The following EDARADD variants were observed in gnomAD, a reference collection of about 807,000 sequenced individuals.
EDARADD encodes the protein EDAR associated via death domain.
A neutral mutation model predicts 25.6 loss-of-function variants in EDARADD; 20 were observed. The ratio of observed to expected loss-of-function variants is 0.78; its 90% CI spans 0.55 to 1.14. The LOEUF (loss-of-function observed/expected upper bound fraction) is 1.14. EDARADD is among the 50% of genes most tolerant of loss of function. EDARADD has a pLI of 0.00. For synonymous variants in EDARADD, 86 were observed against 94.4 expected, an observed-to-expected ratio of 0.91 and a Z score of 0.52; for missense variants, 225 against 270.1, an observed-to-expected ratio of 0.83 and a Z score of 1.17.
intron 3 of EDARADD, among the ~76,000 whole-genome samples, chr1:236,389,236 G>C (rs1667392947): frequency 6.6e-6 from 1 of 152,116 alleles, no homozygotes; most frequent in Non-Finnish European, 1.5e-5. Context: ...GGCTACAGGA[G>C]GATATGTAGA....
chr1:236,380,467 T>C (rs1667285476), intron 3 of EDARADD, among the ~76,000 whole-genome samples: 1 of 152,190 alleles, frequency 6.6e-6, no homozygotes, highest in Non-Finnish European at 1.5e-5. Context: ...GAAACATGGT[T>C]TGTTGGGGGA....
At chr1:236,464,422 A>AATTT in intron 4 of EDARADD, among the ~76,000 whole-genome samples, 1 of 92,284 alleles carries the variant, frequency 1.1e-5, no homozygotes, top group Non-Finnish European at 2.2e-5. Context: ...CCTTGCTGCA[A>AATTT]CTTTTTTTTT....
intron 4 of EDARADD, among the ~76,000 whole-genome samples, chr1:236,454,547 G>A (rs368352681): frequency 2.6e-5 from 4 of 152,182 alleles, no homozygotes; most frequent in African/African-American, 7.2e-5. Context: ...GGGATGACTC[G>A]GCTTTGCTAG....
chr1:236,474,725 G>A (rs183566120), intron 5 of EDARADD, among the ~76,000 whole-genome samples: 1 of 152,204 alleles, frequency 6.6e-6, no homozygotes, highest in African/African-American at 2.4e-5. Flanking sequence ...TGCCTCCCAG[G>A]GACAATGCAC....
chr1:236,399,327 G>A (rs528909737), intron 1 of EDARADD, among the ~76,000 whole-genome samples: 2 of 152,190 alleles, frequency 1.3e-5, no homozygotes, highest in Admixed American at 6.5e-5. Context: ...GATTACAGGG[G>A]TGTGCCACCA....
At chr1:236,454,731 C>T (rs78282839) in intron 4 of EDARADD, among the ~76,000 whole-genome samples, 3,029 of 152,292 alleles carry the variant, frequency 0.02, 104 homozygotes, top group African/African-American at 0.068. Flanking sequence ...CCAGCACCCC[C>T]GCCAGATGCC....
At chr1:236,363,006 A>AAAAATATATATATATATATAT (rs1377112051) in intron 3 of EDARADD, among the ~76,000 whole-genome samples, 4 of 42,944 alleles carry the variant, frequency 9.3e-5, no homozygotes, top group Admixed American at 3.5e-4. Context: ...AAAAAAAAAA[A>AAAAATATATATATATATATAT]ATATATATAT....
intron 3 of EDARADD, among the ~76,000 whole-genome samples, chr1:236,425,772 C>T (rs1657898827): frequency 6.6e-6 from 1 of 152,148 alleles, no homozygotes; most frequent in Non-Finnish European, 1.5e-5. Context: ...ACCAAACAAT[C>T]AACAAAGACA....
At chr1:236,437,655 G>A (rs1282666521) in intron 4 of EDARADD, among the ~76,000 whole-genome samples, 6 of 151,894 alleles carry the variant, frequency 4.0e-5, no homozygotes, top group African/African-American at 9.7e-5. Flanking sequence ...AAAGTGCCAC[G>A]AATGAAGTGA....
intron 4 of EDARADD, among the ~76,000 whole-genome samples, chr1:236,445,532 A>G (rs1389493120): frequency 6.6e-6 from 1 of 152,110 alleles, no homozygotes; most frequent in East Asian, 1.9e-4. Flanking sequence ...CCAGCCCATA[A>G]TCAATTCTTT....
rs749856368 is a variant in EDARADD, at chr1:236,419,230, GA to G, written c.160+4940del. Among the ~76,000 whole-genome samples, 209 of 150,792 alleles carry G rather than the reference GA, an allele frequency of 1.4e-3. 2 individuals carry two copies. Among genetic ancestry groups the G allele is most frequent in the African/African-American group, 4.6e-3 (190 of 41,144 alleles). On this transcript the variant is annotated intron_variant, in intron 3 of 5. Transcript: ENST00000334232. The stretch of plus-strand genomic sequence containing the variant: ...AGTGAGACTCCTATCGCTCCAAAAA[GA>G]AAAAAAAAGTTAATTAGCTGAGTGT...
chr1:236,436,017 A>G (rs1012519271), intron 4 of EDARADD, among the ~76,000 whole-genome samples: 1 of 151,890 alleles, frequency 6.6e-6, no homozygotes, highest in Non-Finnish European at 1.5e-5. Flanking sequence ...AAAAGTAAAA[A>G]CCTCAGCCAG....
chr1:236,428,609 C>G (rs970992845), intron 4 of EDARADD, among the ~76,000 whole-genome samples: 2 of 151,106 alleles, frequency 1.3e-5, no homozygotes, highest in African/African-American at 4.9e-5. Context: ...CCCCACATCC[C>G]AGACATGGGC....
chr1:236,466,438 T>C (rs1256307300), intron 4 of EDARADD, among the ~76,000 whole-genome samples: 14 of 95,260 alleles, frequency 1.5e-4, no homozygotes, highest in African/African-American at 6.0e-4. Context: ...CTCTCTCTGA[T>C]AAACACACAC....
chr1:236,454,219 G>A (rs571070751), intron 4 of EDARADD, among the ~76,000 whole-genome samples: 2 of 152,154 alleles, frequency 1.3e-5, no homozygotes, highest in African/African-American at 4.8e-5. Context: ...CTAACTTTTT[G>A]TAGTTTTTTT....
chr1:236,447,166 CTCCCTCTTTCTTTCTTTCTTTCTT>C (rs56363828), intron 4 of EDARADD, among the ~76,000 whole-genome samples: 10 of 115,136 alleles, frequency 8.7e-5, no homozygotes, highest in Admixed American at 7.0e-4. Flanking sequence ...CCCTCCCTCC[CTCCCTCTTTCTTTCTTTCTTTCTT>C]TCTTTCTTTC....
At chr1:236,396,981 T>A (rs1282968957) in intron 1 of EDARADD, among the ~76,000 whole-genome samples, 1 of 73,634 alleles carries the variant, frequency 1.4e-5, no homozygotes, top group African/African-American at 5.5e-5. Context: ...GGGTGGGGGG[T>A]GGGGGAATTC....
At chr1:236,476,386 T>TA (rs1659505968) in intron 5 of EDARADD, among the ~76,000 whole-genome samples, 4 of 151,832 alleles carry the variant, frequency 2.6e-5, no homozygotes, top group Non-Finnish European at 4.4e-5. Context: ...TCTATGACAT[T>TA]AAAAAAATGT....
chr1:236,357,298 CA>C, intron 3 of EDARADD, among the ~76,000 whole-genome samples: 1 of 152,068 alleles, frequency 6.6e-6, no homozygotes, highest in East Asian at 1.9e-4. Flanking sequence ...GGCTTTTTCA[CA>C]AAATACTGCG....
Sources: gnomAD v4.1 joint callset for allele counts (sites outside exome capture counted in the v4.1 genomes callset) on GRCh38, gnomAD v4.1.1 for gene constraint, MANE v1.5 for transcripts, NCBI Gene and HGNC (gene_info 2026-07-23, HGNC 2026-07-21) for gene names.